The following MAGI2 variants were observed in gnomAD, a reference collection of about 807,000 sequenced individuals.
MAGI2 encodes the protein membrane-associated guanylate kinase, WW and PDZ domain-containing protein 2.
A neutral mutation model predicts 133.3 loss-of-function variants in MAGI2; 35 were observed. That is an observed-to-expected ratio of 0.26 (90% CI 0.20 to 0.35). The LOEUF is 0.35. Ranked by LOEUF, MAGI2 falls within the 10% of genes least tolerant of loss-of-function variation. The probability of loss-of-function intolerance (pLI) is 1.00; values close to 1 mark genes in which losing one functional copy is unlikely to be tolerated. For synonymous variants in MAGI2, 729 were observed against 710.6 expected, an observed-to-expected ratio of 1.03 and a Z score of -0.41; for missense variants, 1,636 against 1,863.4, an observed-to-expected ratio of 0.88 and a Z score of 2.25.
intron 1 of MAGI2, among the ~76,000 whole-genome samples, chr7:79,079,233 G>A (rs1815817285): frequency 6.6e-6 from 1 of 152,118 alleles, no homozygotes; most frequent in African/African-American, 2.4e-5. Flanking sequence ...CATAACTAAT[G>A]TGCATCCAAG....
At chr7:78,331,335 C>T (rs1789173871) in intron 9 of MAGI2, among the ~76,000 whole-genome samples, 1 of 151,974 alleles carries the variant, frequency 6.6e-6, no homozygotes, top group African/African-American at 2.4e-5. Context: ...AACAAACCTG[C>T]ACAGGTACCC....
chr7:79,250,895 A>C (rs1405085265), intron 1 of MAGI2, among the ~76,000 whole-genome samples: 2 of 152,176 alleles, frequency 1.3e-5, no homozygotes, highest in Non-Finnish European at 2.9e-5. Context: ...AAAAACAGAC[A>C]CATAGGCCAT....
At position 78,426,373 on chromosome 7, in the gene MAGI2, C is replaced by T. The variant is rs555635793; in HGVS notation, c.1046-57160G>A. On this transcript the variant is annotated intron_variant, in intron 6 of 21. Coordinates refer to ENST00000354212, the MANE Select transcript of MAGI2 (RefSeq NM_012301.4). ...ATCGCAAGAACAAAAAACCAAACAC[C>T]GCATATTCTCACTCATAGGTGGGAA... 1.0e-3 allele frequency among the ~76,000 whole-genome samples: 158 copies of T among 152,038 alleles called. No individual in the cohort carries two copies. The South Asian group carries it at 0.013, about 13-fold the overall frequency.
At chr7:79,232,094 T>A (rs2129554289) in intron 1 of MAGI2, among the ~76,000 whole-genome samples, 1 of 152,320 alleles carries the variant, frequency 6.6e-6, no homozygotes, top group Admixed American at 6.5e-5. Context: ...CTGGATTACA[T>A]TTACTGATTT....
At chr7:78,817,860 C>A (rs1269556313) in intron 2 of MAGI2, among the ~76,000 whole-genome samples, 1 of 152,040 alleles carries the variant, frequency 6.6e-6, no homozygotes, top group African/African-American at 2.4e-5. Context: ...CAGGCATGCA[C>A]CACCATGCCC....
chr7:78,480,718 CA>C (rs540003448), intron 6 of MAGI2, among the ~76,000 whole-genome samples: 62 of 151,770 alleles, frequency 4.1e-4, no homozygotes, highest in Non-Finnish European at 8.1e-4. Flanking sequence ...ATGAATTCAG[CA>C]AGTACATGAG....
intron 2 of MAGI2, among the ~76,000 whole-genome samples, chr7:78,896,440 T>C (rs1439386540): frequency 6.6e-6 from 1 of 151,452 alleles, no homozygotes; most frequent in Non-Finnish European, 1.5e-5. Flanking sequence ...TGTAAAATAA[T>C]ATAAATAAGC....
chr7:79,353,307 C>T (rs1281851672), intron 1 of MAGI2: 4 of 373,314 alleles, frequency 1.1e-5, no homozygotes, highest in African/African-American at 4.2e-5. Flanking sequence ...AACACATTCA[C>T]GATGAATGAG....
chr7:78,757,547 G>A (rs760217809), intron 2 of MAGI2, among the ~76,000 whole-genome samples: 5 of 151,990 alleles, frequency 3.3e-5, no homozygotes, highest in South Asian at 2.1e-4. Flanking sequence ...CTCCATTTCC[G>A]TTTTATTATC....
chr7:79,169,122 C>T (rs1267882096), intron 1 of MAGI2, among the ~76,000 whole-genome samples: 1 of 151,814 alleles, frequency 6.6e-6, no homozygotes, highest in Non-Finnish European at 1.5e-5. Flanking sequence ...AGATCTTTGT[C>T]TATGTTTATA....
At chr7:78,266,550 C>A (rs1794026394) in intron 9 of MAGI2, among the ~76,000 whole-genome samples, 2 of 151,528 alleles carry the variant, frequency 1.3e-5, no homozygotes, top group Non-Finnish European at 2.9e-5. Context: ...TTTCTGATAC[C>A]ATGAAATTGA....
chr7:78,462,601 G>A (rs1255738364), intron 6 of MAGI2, among the ~76,000 whole-genome samples: 7 of 152,180 alleles, frequency 4.6e-5, no homozygotes, highest in Non-Finnish European at 8.8e-5. Context: ...TTCACTGGCT[G>A]ATTTAGTGGA....
intron 2 of MAGI2, among the ~76,000 whole-genome samples, chr7:78,950,335 A>T (rs1409237505): frequency 6.6e-6 from 1 of 152,198 alleles, no homozygotes; most frequent in African/African-American, 2.4e-5. Context: ...CATCTAACTG[A>T]ACTAGCTTAC....
chr7:78,838,513 T>C (rs914788369), intron 2 of MAGI2, among the ~76,000 whole-genome samples: 1 of 147,216 alleles, frequency 6.8e-6, no homozygotes, highest in African/African-American at 2.5e-5. Flanking sequence ...TGTGTGAGTG[T>C]GTGTGTGTGT....
intron 1 of MAGI2, among the ~76,000 whole-genome samples, chr7:79,435,470 T>C (rs1459253821): frequency 1.3e-5 from 2 of 152,192 alleles, no homozygotes; most frequent in African/African-American, 4.8e-5. Context: ...CTGGATCTAA[T>C]TTTTATATAT....
rs557733828 is a variant in MAGI2 at position 78,943,337 on chromosome 7, T to C, written c.418+63753A>G. The stretch of plus-strand genomic sequence containing the variant: ...AGGCTTTGGCAAAAAGCTTTACTCT[T>C]GGGATTTTCATATGGGTTATACTTT... On this transcript the variant is annotated intron_variant, in intron 2 of 21. Coordinates refer to ENST00000354212, the MANE Select transcript of MAGI2 (RefSeq NM_012301.4). 4.6e-5 allele frequency among the ~76,000 whole-genome samples: 7 copies of C among 152,220 alleles called. No homozygotes were observed. The South Asian group carries it at 1.4e-3, about 32-fold the overall frequency.
At chr7:78,600,693 C>T (rs895695361) in intron 3 of MAGI2, among the ~76,000 whole-genome samples, 4 of 151,868 alleles carry the variant, frequency 2.6e-5, no homozygotes, top group South Asian at 2.1e-4. Context: ...ATTAAAGCAT[C>T]GGTGAATTTA....
chr7:78,354,088 A>G (rs1052804421), intron 7 of MAGI2, among the ~76,000 whole-genome samples: 1 of 152,152 alleles, frequency 6.6e-6, no homozygotes, highest in Non-Finnish European at 1.5e-5. Context: ...TTTCTGCATC[A>G]TTTCCTGGCT....
At chr7:79,003,615 C>A (rs920889524) in intron 2 of MAGI2, among the ~76,000 whole-genome samples, 3 of 152,078 alleles carry the variant, frequency 2.0e-5, no homozygotes, top group African/African-American at 7.2e-5. Context: ...TACTCAATAC[C>A]AACAGATATG....
Sources: allele counts gnomAD v4.1 joint callset (sites outside exome capture counted in the v4.1 genomes callset), GRCh38; gene constraint gnomAD v4.1.1; transcripts MANE v1.5; gene names NCBI Gene and HGNC (gene_info 2026-07-23, HGNC 2026-07-21).